Variants in DMD observed in about 807,000 individuals in gnomAD.
The protein encoded by DMD is mutant dystrophin.
DMD carries 63 observed loss-of-function variants against 330.1 expected under a neutral mutation model. The observed-to-expected ratio is 0.19, with a 90% CI of 0.16 to 0.24. The LOEUF (loss-of-function observed/expected upper bound fraction) is 0.24. Ranked by LOEUF, DMD falls within the 10% of genes least tolerant of loss-of-function variation. DMD has a pLI of 1.00. For synonymous variants in DMD, 1,223 were observed against 959.8 expected, an observed-to-expected ratio of 1.27 and a Z score of -5.07; for missense variants, 3,344 against 2,684.1, an observed-to-expected ratio of 1.25 and a Z score of -5.43.
At chrX:31,293,204 AGTGTGT>A (rs559104990) in intron 62 of DMD, among the ~76,000 whole-genome samples, 248 of 58,442 alleles carry the variant, frequency 4.2e-3, no homozygotes, top group African/African-American at 8.1e-3. Flanking sequence ...AGTCTGGTTT[AGTGTGT>A]GTGTGTGTGT....
At chrX:32,132,238 C>T (rs763428911) in intron 44 of DMD, among the ~76,000 whole-genome samples, 4 of 111,612 alleles carry the variant, frequency 3.6e-5, no homozygotes, top group Non-Finnish European at 5.7e-5. Context: ...GGGTCAGTAA[C>T]GGAAATGTCA....
intron 62 of DMD, among the ~76,000 whole-genome samples, chrX:31,290,356 A>C (rs1241787413): frequency 1.8e-5 from 2 of 111,813 alleles, no homozygotes; most frequent in Non-Finnish European, 3.8e-5. Context: ...AAAATAGCTC[A>C]AAGATTACCT....
chrX:32,524,147 G>T (rs1182643850), intron 17 of DMD, among the ~76,000 whole-genome samples: 1 of 109,959 alleles, frequency 9.1e-6, no homozygotes, highest in Non-Finnish European at 1.9e-5. Flanking sequence ...TGTTAGCCAG[G>T]ATGGTCTCGA....
chrX:32,674,401 T>G (rs1019938763), intron 9 of DMD, among the ~76,000 whole-genome samples: 2 of 111,641 alleles, frequency 1.8e-5, no homozygotes, highest in African/African-American at 6.5e-5. Context: ...TCTTTGAAAG[T>G]GAATATATGC....
intron 74 of DMD, among the ~76,000 whole-genome samples, chrX:31,163,237 G>A (rs969316304): frequency 9.0e-6 from 1 of 111,340 alleles, no homozygotes; most frequent in African/African-American, 3.3e-5. Flanking sequence ...ACTGAATCAT[G>A]GGGGTGGGGT....
intron 44 of DMD, among the ~76,000 whole-genome samples, chrX:32,133,009 T>TCTTTTC (rs1569545936): frequency 2.2e-4 from 18 of 83,489 alleles, no homozygotes; most frequent in South Asian, 1.2e-3. Context: ...TTTTTTTTTT[T>TCTTTTC]TTTTTTTTTT....
At chrX:33,081,966 T>G (rs1283686656) in intron 1 of DMD, among the ~76,000 whole-genome samples, 1 of 110,305 alleles carries the variant, frequency 9.1e-6, no homozygotes, top group Non-Finnish European at 1.9e-5. Context: ...AAACAGTTTT[T>G]TTTTTTTTTC....
chrX:33,325,046 T>A (rs1180695858), intron 1 of DMD, among the ~76,000 whole-genome samples: 1 of 111,971 alleles, frequency 8.9e-6, no homozygotes, highest in African/African-American at 3.2e-5. Context: ...TATCCTCTGC[T>A]TTGGCTAATA....
At chrX:32,500,991 A>T (rs2043997852) in intron 19 of DMD, among the ~76,000 whole-genome samples, 1 of 112,243 alleles carries the variant, frequency 8.9e-6, no homozygotes, top group South Asian at 3.6e-4. Context: ...CTACAAAATG[A>T]AAAATAATCT....
At chrX:31,376,899 C>T (rs1009723173) in intron 60 of DMD, among the ~76,000 whole-genome samples, 7 of 111,864 alleles carry the variant, frequency 6.3e-5, no homozygotes, top group Non-Finnish European at 1.3e-4. Flanking sequence ...GCTTGGTCCC[C>T]TGGAAAGCCC....
intron 7 of DMD, among the ~76,000 whole-genome samples, chrX:32,719,573 T>C (rs1318658310): frequency 1.8e-5 from 2 of 111,870 alleles, no homozygotes; most frequent in African/African-American, 6.5e-5. Flanking sequence ...TGCCTCCAAA[T>C]ATTATAGTAA....
chrX:32,649,214 G>A (rs2059970894), intron 9 of DMD, among the ~76,000 whole-genome samples: 1 of 109,593 alleles, frequency 9.1e-6, no homozygotes, highest in African/African-American at 3.3e-5. Context: ...GATTTAGGAA[G>A]TATTAGATAT....
chrX:32,420,897 T>C, intron 29 of DMD, among the ~76,000 whole-genome samples: 1 of 111,696 alleles, frequency 9.0e-6, no homozygotes, highest in Admixed American at 9.5e-5. Context: ...AGATCTCTGC[T>C]GGATTCCTTC....
chrX:32,409,734 A>C (rs772322244), intron 30 of DMD, among the ~76,000 whole-genome samples: 1 of 111,888 alleles, frequency 8.9e-6, no homozygotes, highest in South Asian at 3.7e-4. Flanking sequence ...CCTTAATTCC[A>C]TTCAGAACGT....
chrX:31,989,567 C>T (rs112595168), intron 44 of DMD, among the ~76,000 whole-genome samples: 52 of 110,316 alleles, frequency 4.7e-4, no homozygotes, highest in African/African-American at 1.5e-3. Context: ...GATTTACAAG[C>T]GCAAGAAAAA....
At chrX:31,999,835 C>A (rs1380482864) in intron 44 of DMD, among the ~76,000 whole-genome samples, 1 of 111,457 alleles carries the variant, frequency 9.0e-6, no homozygotes, top group Non-Finnish European at 1.9e-5. Context: ...ACCATGATAG[C>A]TTCATTAGCA....
chrX:33,032,698 C>T (rs763831437), intron 1 of DMD, among the ~76,000 whole-genome samples: 18 of 112,249 alleles, frequency 1.6e-4, no homozygotes, highest in Non-Finnish European at 3.0e-4. Context: ...AGTATTAGCA[C>T]AGACAGAAAT....
intron 47 of DMD, among the ~76,000 whole-genome samples, chrX:31,889,870 T>A (rs1001971982): frequency 9.1e-6 from 1 of 110,496 alleles, no homozygotes; most frequent in African/African-American, 3.3e-5. Flanking sequence ...GCCTGGCTGA[T>A]ACAGAAAAAT....
At chrX:31,651,265 G>T (rs2080434838) in intron 54 of DMD, among the ~76,000 whole-genome samples, 1 of 111,571 alleles carries the variant, frequency 9.0e-6, no homozygotes, top group Admixed American at 9.5e-5. Context: ...ATATCCAGGT[G>T]GTAATGTAGG....
Sources: allele counts gnomAD v4.1 joint callset (sites outside exome capture counted in the v4.1 genomes callset), GRCh38; gene constraint gnomAD v4.1.1; transcripts MANE v1.5; gene names NCBI Gene and HGNC (gene_info 2026-07-23, HGNC 2026-07-21).